PBX3: variants seen among roughly 807,000 people sequenced by gnomAD.
PBX3 encodes pre-B-cell leukemia transcription factor 3.
A neutral mutation model predicts 48.5 loss-of-function variants in PBX3; 14 were observed. The observed-to-expected ratio is 0.29, with a 90% CI of 0.19 to 0.45. The LOEUF is 0.45. Ranked by LOEUF, PBX3 falls within the 20% of genes least tolerant of loss-of-function variation. PBX3 has a pLI of 1.00. For synonymous variants in PBX3, 210 were observed against 200.3 expected, an observed-to-expected ratio of 1.05 and a Z score of -0.41; for missense variants, 386 against 546.7, an observed-to-expected ratio of 0.71 and a Z score of 2.93.
At chr9:125,850,637 A>G in intron 2 of PBX3, among the ~76,000 whole-genome samples, 2 of 152,148 alleles carry the variant, frequency 1.3e-5, no homozygotes, top group Admixed American at 1.3e-4. Context: ...AAGATTTAGT[A>G]AGAATAAAGT....
intron 2 of PBX3, among the ~76,000 whole-genome samples, chr9:125,804,231 GT>G (rs1357283182): frequency 1.3e-5 from 2 of 152,194 alleles, no homozygotes; most frequent in Non-Finnish European, 2.9e-5. Context: ...ATAGCTAAGA[GT>G]TATAAAGATT....
intron 2 of PBX3, among the ~76,000 whole-genome samples, chr9:125,787,612 G>A (rs1223578646): frequency 6.6e-6 from 1 of 152,042 alleles, no homozygotes; most frequent in African/African-American, 2.4e-5. Context: ...AGGGTGAAAT[G>A]GATTATAGGG....
At chr9:125,791,888 CA>C (rs879635585) in intron 2 of PBX3, among the ~76,000 whole-genome samples, 406 of 129,058 alleles carry the variant, frequency 3.1e-3, no homozygotes, top group African/African-American at 6.0e-3. Flanking sequence ...GACTCCGTCT[CA>C]AAAAAAAAAA....
chr9:125,955,876 G>A (rs1842295128), intron 5 of PBX3, among the ~76,000 whole-genome samples: 1 of 152,238 alleles, frequency 6.6e-6, no homozygotes, highest in South Asian at 2.1e-4. Flanking sequence ...CAGGGGCCAT[G>A]TGTTTATTTT....
chr9:125,965,332 C>G (rs994399953), intron 8 of PBX3, among the ~76,000 whole-genome samples: 3 of 152,160 alleles, frequency 2.0e-5, no homozygotes, highest in Non-Finnish European at 4.4e-5. Context: ...CTGGAAGATC[C>G]TATTTGGAGG....
At position 125,906,900 on chromosome 9, in the gene PBX3, C is replaced by T. The variant is rs1362810758; in HGVS notation, c.275-8786C>T. ...AATTTTAACCAGAACACTGTGTAGC[C>T]AGTTACAACATCTTAATGAGTACAT... On this transcript the variant is annotated intron_variant, in intron 2 of 8. Coordinates refer to ENST00000373489, the MANE Select transcript of PBX3 (RefSeq NM_006195.6). Among the ~76,000 whole-genome samples the T allele has an allele frequency of 2.0e-5, 3 of 152,056 alleles. No homozygotes were observed. The East Asian group carries it at 5.8e-4, about 29-fold the overall frequency.
At chr9:125,875,540 C>T (rs891674461) in intron 2 of PBX3, among the ~76,000 whole-genome samples, 5 of 152,052 alleles carry the variant, frequency 3.3e-5, no homozygotes. Context: ...TTTAAGAGAA[C>T]GAGTGCAGAG....
At chr9:125,861,300 A>AAATAATAAT (rs368338583) in intron 2 of PBX3, among the ~76,000 whole-genome samples, 7 of 140,362 alleles carry the variant, frequency 5.0e-5, no homozygotes, top group African/African-American at 1.7e-4. Flanking sequence ...CCCTGTCTCC[A>AAATAATAAT]AATAATAATA....
chr9:125,878,072 T>C (rs1333135686), intron 2 of PBX3, among the ~76,000 whole-genome samples: 1 of 152,244 alleles, frequency 6.6e-6, no homozygotes, highest in Non-Finnish European at 1.5e-5. Context: ...ATAGTACTCT[T>C]TACTGATTTT....
intron 2 of PBX3, among the ~76,000 whole-genome samples, chr9:125,793,164 AAC>A (rs1283141636): frequency 1.3e-5 from 2 of 150,796 alleles, no homozygotes; most frequent in Non-Finnish European, 3.0e-5. Context: ...CATCCTGGCT[AAC>A]ACGGTGGAAC....
intron 2 of PBX3, among the ~76,000 whole-genome samples, chr9:125,853,003 A>G (rs145859356): frequency 1.3e-5 from 2 of 152,200 alleles, no homozygotes; most frequent in Non-Finnish European, 2.9e-5. Flanking sequence ...ATTTTATTAA[A>G]ATCCATTTCT....
intron 3 of PBX3, among the ~76,000 whole-genome samples, chr9:125,926,217 A>G (rs1235353875): frequency 1.3e-5 from 2 of 152,218 alleles, no homozygotes; most frequent in Non-Finnish European, 1.5e-5. Context: ...TTGGCATAAA[A>G]TCATTTAAAT....
chr9:125,786,710 T>C (rs1225313842), intron 2 of PBX3, among the ~76,000 whole-genome samples: 1 of 151,726 alleles, frequency 6.6e-6, no homozygotes, highest in Admixed American at 6.6e-5. Context: ...AAGTGAGAGA[T>C]AGGTAAGTAT....
chr9:125,855,973 T>A (rs776943736), intron 2 of PBX3, among the ~76,000 whole-genome samples: 49 of 152,134 alleles, frequency 3.2e-4, no homozygotes, highest in Admixed American at 5.9e-4. Flanking sequence ...ATGATTTTTT[T>A]AAATAAAAAA....
chr9:125,862,789 A>C (rs1168393465), intron 2 of PBX3, among the ~76,000 whole-genome samples: 7 of 152,220 alleles, frequency 4.6e-5, no homozygotes, highest in Admixed American at 3.9e-4. Flanking sequence ...GAGTCAATAA[A>C]TGTTTCAGAA....
rs551410435 is a variant in PBX3, at chr9:125,965,997, G to A, written c.*74G>A. On this transcript the variant is annotated 3_prime_UTR_variant, in exon 9 of 9. Coordinates refer to ENST00000373489, the MANE Select transcript of PBX3 (RefSeq NM_006195.6). ...AGAGCAATAGGAGGAAAAGGAAAGC[G>A]TTTTTGTAGCCCACCATCTACAGCT... 101 of 1,074,640 alleles carry A rather than the reference G, an allele frequency of 9.4e-5. No individual in the cohort carries two copies. Among genetic ancestry groups the A allele is most frequent in the East Asian group, 2.2e-4 (9 of 41,414 alleles). The allele number at this position is 1,074,640 out of a possible 1,614,324, so 66.6% of individuals were successfully genotyped here.
intron 2 of PBX3, among the ~76,000 whole-genome samples, chr9:125,824,907 T>C (rs1401419017): frequency 6.6e-6 from 1 of 152,206 alleles, no homozygotes; most frequent in African/African-American, 2.4e-5. Flanking sequence ...CATTTAATCC[T>C]TGTATCAACT....
intron 2 of PBX3, among the ~76,000 whole-genome samples, chr9:125,858,479 G>A (rs1027411702): frequency 5.9e-5 from 9 of 152,142 alleles, no homozygotes; most frequent in Admixed American, 2.0e-4. Context: ...ATGAAATGTC[G>A]TAAGTAATAT....
chr9:125,850,385 A>G (rs913336154), intron 2 of PBX3, among the ~76,000 whole-genome samples: 2 of 152,074 alleles, frequency 1.3e-5, no homozygotes, highest in Non-Finnish European at 2.9e-5. Context: ...GGCATTTAGT[A>G]TCTAGGTACA....
Sources: gnomAD v4.1 joint callset for allele counts (sites outside exome capture counted in the v4.1 genomes callset) on GRCh38, gnomAD v4.1.1 for gene constraint, MANE v1.5 for transcripts, NCBI Gene and HGNC (gene_info 2026-07-23, HGNC 2026-07-21) for gene names.